Variants in RALGPS2 observed in about 807,000 individuals in gnomAD.
The protein encoded by RALGPS2 is Ral GEF with PH domain and SH3 binding motif 2.
In RALGPS2, 43 loss-of-function variants were observed where a neutral mutation model predicts 86.8. That is an observed-to-expected ratio of 0.50 (90% CI 0.39 to 0.64). The LOEUF (loss-of-function observed/expected upper bound fraction) is 0.64. RALGPS2 is among the 30% of genes least tolerant of loss of function. RALGPS2 has a pLI of 0.00. For missense variants in RALGPS2, 536 were observed against 694.6 expected (o/e 0.77, Z 2.57); for synonymous variants, 243 against 231.3 (o/e 1.05, Z -0.46).
intron 8 of RALGPS2, among the ~76,000 whole-genome samples, chr1:178,862,781 G>C (rs1383283433): frequency 6.6e-6 from 1 of 152,078 alleles, no homozygotes; most frequent in Admixed American, 6.6e-5. Flanking sequence ...AGGAAAGTAG[G>C]CTTCATTCTT....
intron 13 of RALGPS2, among the ~76,000 whole-genome samples, chr1:178,889,132 A>G (rs1442747950): frequency 6.6e-6 from 1 of 151,882 alleles, no homozygotes; most frequent in Non-Finnish European, 1.5e-5. Flanking sequence ...TTGCATTTTT[A>G]TAGCACCGGT....
At chr1:178,818,700 T>C (rs1361428686) in intron 6 of RALGPS2, among the ~76,000 whole-genome samples, 4 of 152,214 alleles carry the variant, frequency 2.6e-5, no homozygotes, top group Non-Finnish European at 5.9e-5. Flanking sequence ...GATTTTACTT[T>C]AGCAAAATCT....
At chr1:178,780,632 G>C (rs1422659273) in intron 2 of RALGPS2, among the ~76,000 whole-genome samples, 1 of 152,056 alleles carries the variant, frequency 6.6e-6, no homozygotes, top group Non-Finnish European at 1.5e-5. Context: ...TCTAATGAGA[G>C]AATACTACAT....
At chr1:178,781,403 C>T (rs986698876) in intron 2 of RALGPS2, among the ~76,000 whole-genome samples, 5 of 152,030 alleles carry the variant, frequency 3.3e-5, no homozygotes, top group Admixed American at 6.6e-5. Context: ...TTGAAGTTTC[C>T]GTCAGTAGGA....
At chr1:178,883,229 G>A (rs575382509) in intron 10 of RALGPS2, among the ~76,000 whole-genome samples, 5 of 152,310 alleles carry the variant, frequency 3.3e-5, no homozygotes, top group South Asian at 2.1e-4. Context: ...GCTCATGCCT[G>A]TAATCCCAGC....
intron 18 of RALGPS2, among the ~76,000 whole-genome samples, chr1:178,904,873 G>A (rs7549729): frequency 0.46 from 70,426 of 151,956 alleles, 17,737 homozygotes; most frequent in African/African-American, 0.66. Context: ...TGTTTTTTCT[G>A]ATTTTGTGAA....
rs944742465 is a variant in RALGPS2, at chr1:178,814,495, G to A, written c.387+3091G>A. Among the ~76,000 whole-genome samples, 5 of 152,150 alleles carry A rather than the reference G, an allele frequency of 3.3e-5. No homozygotes were observed. The East Asian group carries it at 9.6e-4, about 29-fold the overall frequency. ...CTGTCACCCAGGCTGAAGGCCAGTG[G>A]TGTGATCCCAACTCACTGCATCCTT... On this transcript the variant is annotated intron_variant, in intron 6 of 19. Transcript: ENST00000367635.
rs187987164 is a variant in RALGPS2, at chr1:178,902,012, T to A, written c.1525-94T>A. 5.8e-6 allele frequency: 5 copies of A among 866,312 alleles called. No homozygotes were observed. In the African/African-American group the frequency reaches 8.5e-5, roughly 15 times the overall value. 53.7% of individuals were successfully genotyped at this position (866,312 alleles called of 1,614,324 possible). A position where few individuals can be genotyped will look rare whatever the true frequency, so the allele number is the denominator to read the frequency against. On this transcript the variant is annotated intron_variant, in intron 17 of 19. Transcript: ENST00000367635. Reference sequence around the variant, plus strand: ...TGAAGTCACAAATCTCATCTTTCATTAGGAGAAACTGAAAATACACTCCCT... The same window carrying A: ...TGAAGTCACAAATCTCATCTTTCATAAGGAGAAACTGAAAATACACTCCCT...
In RALGPS2 at chr1:178,851,179, C is replaced by T. The variant is rs202182191; in HGVS notation, c.607+17629C>T. On this transcript the variant is annotated intron_variant, in intron 8 of 19. Transcript: ENST00000367635. ...TGAACTGCTCTTAAGGAGTATGACC[C>T]GCCTCTGTATTCGGCCCAGAAAATT... 1.0e-4 allele frequency: 167 copies of T among 1,613,790 alleles called. No homozygotes were observed. The highest frequency in any genetic ancestry group is 1.3e-4 in the Non-Finnish European group (148 of 1,179,884).
chr1:178,743,270 T>G (rs1412160105), intron 1 of RALGPS2, among the ~76,000 whole-genome samples: 1 of 152,092 alleles, frequency 6.6e-6, no homozygotes, highest in Non-Finnish European at 1.5e-5. Flanking sequence ...CAGAAAGAAT[T>G]TATAGCCCTG....
intron 1 of RALGPS2, among the ~76,000 whole-genome samples, chr1:178,758,432 A>T (rs1211539654): frequency 1.3e-5 from 2 of 152,182 alleles, no homozygotes; most frequent in Non-Finnish European, 2.9e-5. Flanking sequence ...TTTAAAATGT[A>T]CAATTAAATT....
At chr1:178,758,765 G>A (rs901653414) in intron 1 of RALGPS2, among the ~76,000 whole-genome samples, 11 of 152,170 alleles carry the variant, frequency 7.2e-5, no homozygotes, top group African/African-American at 2.4e-4. Flanking sequence ...ACTCCATGAT[G>A]TATATGTATA....
chr1:178,780,486 C>G (rs1653336219), intron 2 of RALGPS2, among the ~76,000 whole-genome samples: 3 of 152,120 alleles, frequency 2.0e-5, no homozygotes, highest in Admixed American at 2.0e-4. Context: ...TATCTTTTCT[C>G]AAAACTGTCT....
intron 8 of RALGPS2, among the ~76,000 whole-genome samples, chr1:178,838,566 G>A (rs533604181): frequency 1.3e-5 from 2 of 152,044 alleles, no homozygotes; most frequent in Non-Finnish European, 2.9e-5. Flanking sequence ...CACAAAGATG[G>A]GGAAAAAACA....
intron 4 of RALGPS2, among the ~76,000 whole-genome samples, chr1:178,786,512 G>T (rs938428667): frequency 6.6e-6 from 1 of 151,708 alleles, no homozygotes; most frequent in Non-Finnish European, 1.5e-5. Flanking sequence ...AAGCATGGGG[G>T]TGTGTGTGTG....
intron 8 of RALGPS2, chr1:178,865,147 A>G (rs766020687): frequency 3.1e-6 from 5 of 1,601,804 alleles, no homozygotes; most frequent in Non-Finnish European, 1.7e-6. Context: ...GGGGAGACAC[A>G]TGGGTGTCTT....
chr1:178,843,966 T>C (rs571242759), intron 8 of RALGPS2, among the ~76,000 whole-genome samples: 7 of 152,206 alleles, frequency 4.6e-5, no homozygotes, highest in Non-Finnish European at 5.9e-5. Context: ...AACCGTTAGA[T>C]TAAATGTATT....
intron 1 of RALGPS2, among the ~76,000 whole-genome samples, chr1:178,730,557 A>G (rs1173799233): frequency 1.6e-5 from 2 of 127,400 alleles, no homozygotes; most frequent in African/African-American, 8.2e-5. Context: ...ACATCAGGTA[A>G]TTGACCCTTC....
chr1:178,794,576 G>A (rs111895726), intron 4 of RALGPS2, among the ~76,000 whole-genome samples: 99 of 152,078 alleles, frequency 6.5e-4, no homozygotes, highest in African/African-American at 2.1e-3. Flanking sequence ...ATAAATTATC[G>A]GATGTTCTAT....
Sources: allele counts gnomAD v4.1 joint callset (sites outside exome capture counted in the v4.1 genomes callset), GRCh38; gene constraint gnomAD v4.1.1; transcripts MANE v1.5; gene names NCBI Gene and HGNC (gene_info 2026-07-23, HGNC 2026-07-21).